The following CDH10 variants were observed in gnomAD, a reference collection of about 807,000 sequenced individuals.
The protein encoded by CDH10 is cadherin-10.
A neutral mutation model predicts 73.1 loss-of-function variants in CDH10; 30 were observed. The observed-to-expected ratio is 0.41, with a 90% confidence interval of 0.31 to 0.56. The LOEUF (loss-of-function observed/expected upper bound fraction) is 0.56. Among genes scored for constraint, CDH10 ranks in the 20% least tolerant of loss-of-function variants. The pLI, the probability that CDH10 is intolerant of heterozygous loss-of-function variation, is 0.27. For synonymous variants in CDH10, 345 were observed against 348.2 expected (o/e 0.99, Z 0.10); for missense variants, 815 against 973.7 (o/e 0.84, Z 2.17).
At chr5:24,509,518 C>A in intron 7 of CDH10, 48 bp downstream of exon 7, 4 of 1,583,682 alleles carry the variant, frequency 2.5e-6, no homozygotes, top group East Asian at 2.2e-5. Context: ...GGATTACAGG[C>A]GTGAGCCACC....
chr5:24,531,374 C>T (rs1248451606), intron 5 of CDH10, among the ~76,000 whole-genome samples: 2 of 152,052 alleles, frequency 1.3e-5, no homozygotes, highest in East Asian at 3.9e-4. Context: ...CTTTTTGTTG[C>T]TATTTTGACA....
chr5:24,555,424 T>G (rs1025724993), intron 2 of CDH10, among the ~76,000 whole-genome samples: 11 of 152,092 alleles, frequency 7.2e-5, no homozygotes, highest in African/African-American at 2.2e-4. Context: ...CTTCCATAGA[T>G]GTGGCCACTA....
intron 5 of CDH10, among the ~76,000 whole-genome samples, chr5:24,527,375 C>T (rs1275111058): frequency 6.7e-6 from 1 of 148,646 alleles, no homozygotes; most frequent in African/African-American, 2.5e-5. Context: ...ATACACAAAA[C>T]ATAAACATGT....
At chr5:24,628,852 ACACAC>A (rs1332172620) in intron 1 of CDH10, among the ~76,000 whole-genome samples, 1 of 134,744 alleles carries the variant, frequency 7.4e-6, no homozygotes, top group Non-Finnish European at 1.6e-5. Context: ...CTTGACACAC[ACACAC>A]ACACACACAC....
chr5:24,549,783 C>A (rs2111945942), intron 2 of CDH10, among the ~76,000 whole-genome samples: 1 of 152,114 alleles, frequency 6.6e-6, no homozygotes, highest in South Asian at 2.1e-4. Flanking sequence ...AACTCCTGAC[C>A]TCAGGTGAGC....
At chr5:24,629,954 A>G (rs1396598920) in intron 1 of CDH10, among the ~76,000 whole-genome samples, 2 of 152,152 alleles carry the variant, frequency 1.3e-5, no homozygotes, top group Non-Finnish European at 1.5e-5. Flanking sequence ...TAATCTTTCA[A>G]TTACTCAATG....
At chr5:24,569,572 C>CA (rs1745294101) in intron 2 of CDH10, among the ~76,000 whole-genome samples, 1 of 151,920 alleles carries the variant, frequency 6.6e-6, no homozygotes, top group African/African-American at 2.4e-5. Context: ...GGTTTTCCTC[C>CA]AAATCAGTAA....
At chr5:24,504,495 C>A (rs1742610999) in intron 8 of CDH10, among the ~76,000 whole-genome samples, 1 of 84,274 alleles carries the variant, frequency 1.2e-5, no homozygotes, top group East Asian at 4.4e-4. Context: ...AAATGCTTTT[C>A]TCCTATTAAT....
At chr5:24,556,675 T>C (rs959922546) in intron 2 of CDH10, among the ~76,000 whole-genome samples, 33 of 151,868 alleles carry the variant, frequency 2.2e-4, no homozygotes, top group Non-Finnish European at 4.0e-4. Context: ...TAAATAGTTA[T>C]TGTTTGGATG....
At chr5:24,527,850 A>ATG (rs956701347) in intron 5 of CDH10, among the ~76,000 whole-genome samples, 11 of 151,628 alleles carry the variant, frequency 7.3e-5, no homozygotes, top group Admixed American at 1.3e-4. Context: ...AAAAAGGTAA[A>ATG]TGTGTGTGTG....
intron 1 of CDH10, among the ~76,000 whole-genome samples, chr5:24,634,004 T>C (rs1747789391): frequency 6.6e-6 from 1 of 151,908 alleles, no homozygotes; most frequent in African/African-American, 2.4e-5. Context: ...CAATTTACCC[T>C]ATAAATGGGT....
At chr5:24,586,868 G>A (rs1456741645) in intron 2 of CDH10, among the ~76,000 whole-genome samples, 10 of 64,158 alleles carry the variant, frequency 1.6e-4, no homozygotes, top group Admixed American at 3.2e-4. Context: ...TTTTTGAGCC[G>A]GAGTCTCGCT....
chr5:24,553,994 A>G (rs12518570), intron 2 of CDH10: 99,172 of 150,232 alleles, frequency 0.66, 32,904 homozygotes, highest in East Asian at 0.76. Flanking sequence ...CAGAAACCAC[A>G]TGGGAAAGCC....
chr5:24,552,501 T>C (rs1203632231), intron 2 of CDH10, among the ~76,000 whole-genome samples: 1 of 152,036 alleles, frequency 6.6e-6, no homozygotes, highest in East Asian at 1.9e-4. Context: ...TTAGTAATTT[T>C]TTGTCTATTA....
intron 1 of CDH10, among the ~76,000 whole-genome samples, chr5:24,639,607 A>C (rs1275083488): frequency 6.6e-6 from 1 of 151,700 alleles, no homozygotes; most frequent in African/African-American, 2.4e-5. Context: ...CAAATTTCCA[A>C]CTGGAAACAA....
At chr5:24,584,883 G>C (rs1452430911) in intron 2 of CDH10, among the ~76,000 whole-genome samples, 1 of 148,348 alleles carries the variant, frequency 6.7e-6, no homozygotes, top group African/African-American at 2.5e-5. Context: ...GTCTCACTCT[G>C]TCATCCAGGC....
At chr5:24,620,547 A>C (rs1238526472) in intron 1 of CDH10, among the ~76,000 whole-genome samples, 1 of 152,188 alleles carries the variant, frequency 6.6e-6, no homozygotes, top group Non-Finnish European at 1.5e-5. Context: ...AAACAGACCT[A>C]AGCTCTGTGT....
intron 7 of CDH10, among the ~76,000 whole-genome samples, chr5:24,506,423 A>T (rs907676496): frequency 3.3e-5 from 5 of 152,186 alleles, no homozygotes; most frequent in African/African-American, 1.2e-4. Context: ...TTACCGAAAG[A>T]TCTAACATAA....
At chr5:24,566,142 G>A (rs1472824401) in intron 2 of CDH10, among the ~76,000 whole-genome samples, 1 of 151,960 alleles carries the variant, frequency 6.6e-6, no homozygotes, top group African/African-American at 2.4e-5. Context: ...TCTGTCTTTC[G>A]GGTTAAAGCC....
Sources: gnomAD v4.1 joint callset for allele counts (sites outside exome capture counted in the v4.1 genomes callset) on GRCh38, gnomAD v4.1.1 for gene constraint, MANE v1.5 for transcripts, NCBI Gene and HGNC (gene_info 2026-07-23, HGNC 2026-07-21) for gene names.